The following PHYHIP variants were observed in gnomAD, a reference collection of about 807,000 sequenced individuals.
The protein encoded by PHYHIP is phytanoyl-CoA hydroxylase-interacting protein.
PHYHIP carries 7 observed loss-of-function variants against 26.1 expected under a neutral mutation model. That is an observed-to-expected ratio of 0.27 (90% CI 0.15 to 0.50). The LOEUF (loss-of-function observed/expected upper bound fraction) is 0.50. Ranked by LOEUF, PHYHIP falls within the 20% of genes least tolerant of loss-of-function variation. The pLI is 0.98. For missense variants in PHYHIP, 232 were observed against 454.7 expected, an observed-to-expected ratio of 0.51 and a Z score of 4.45; for synonymous variants, 206 against 183.4, an observed-to-expected ratio of 1.12 and a Z score of -1.00.
Position 22,227,015 on chromosome 8 carries a change from G to A in PHYHIP, c.176C>T (p.Thr59Ile), listed in dbSNP as rs1829761381. 6.2e-7 allele frequency: 1 copy of A among 1,611,512 alleles called. No homozygotes were observed. Among genetic ancestry groups the A allele is most frequent in the Non-Finnish European group, 8.5e-7 (1 of 1,179,256 alleles). Residue 59 changes from threonine (T) to isoleucine (I), a missense_variant, in exon 3 of 5, where the codon ACC becomes ATC. Coordinates refer to ENST00000454243, the MANE Select transcript of PHYHIP (RefSeq NM_014759.5). ...CGGCACTGCCTTGGCCACGAGCTTG[G>A]TGGGGACGTCCTGAGAAACAGGGTA... The part of the protein sequence containing the change: ...SNKFKHRDVP[T>I]KLVAKAVPLP...
In PHYHIP at chr8:22,226,942, C is replaced by G. The variant is rs373018765; in HGVS notation, c.249G>C (p.Glu83Asp). Residue 83 changes from glutamate to aspartate, a missense_variant, in exon 3 of 5, where the codon GAG becomes GAC. Physicochemically the swap from Glu to Asp is conservative, Grantham distance 45. Transcript: ENST00000454243. The part of the protein sequence containing the change: ...RGHWFLSPRT[E>D]YSVAVQTAVK... ...CTGCCGTCTGCACGGCCACACTGTA[C>G]TCCGTGCGGGGGCTCAGGAACCAGT... 6.2e-7 allele frequency: 1 copy of G among 1,613,912 alleles called. No individual in the cohort carries two copies. Among genetic ancestry groups the G allele is most frequent in the Non-Finnish European group, 8.5e-7 (1 of 1,179,942 alleles).
intron 1 of PHYHIP, among the ~76,000 whole-genome samples, chr8:22,230,147 T>C (rs1829837025): frequency 6.6e-6 from 1 of 152,024 alleles, no homozygotes; most frequent in African/African-American, 2.4e-5. Context: ...AGTGGGGAGT[T>C]ACCATCTCTT....
Position 22,228,179 on chromosome 8 carries a change from C to T in PHYHIP, c.165+14G>A. 6.2e-7 allele frequency: 1 copy of T among 1,612,128 alleles called. No individual in the cohort carries two copies. Among genetic ancestry groups the T allele is most frequent in the East Asian group, 2.2e-5 (1 of 44,862 alleles). ...AGAAGCTGGGGAGGGGCTCCCAGGA[C>T]ACCTTCTACTCACCCGGTGCTTGAA... On this transcript the variant is annotated intron_variant, in intron 2 of 4. Transcript: ENST00000454243.
At chr8:22,223,848 A>G (rs998751356) in intron 4 of PHYHIP, 12 of 180,852 alleles carry the variant, frequency 6.6e-5, no homozygotes, top group Non-Finnish European at 1.1e-4. Flanking sequence ...ACCCTTTGTG[A>G]TCAGAACACT....
At chr8:22,228,566 G>C (rs10091029) in intron 1 of PHYHIP, 180 bp from the exon 2 acceptor site, 15 of 518,884 alleles carry the variant, frequency 2.9e-5, no homozygotes, top group Non-Finnish European at 4.5e-5. Flanking sequence ...GGGTGGAAAG[G>C]GGTGCCTGCC....
intron 3 of PHYHIP, among the ~76,000 whole-genome samples, chr8:22,225,980 C>T (rs765654594): frequency 4.6e-5 from 7 of 152,150 alleles, no homozygotes; most frequent in Admixed American, 3.9e-4. Flanking sequence ...AGATCTGGAG[C>T]AGCTCTCACC....
At chr8:22,231,657 CG>C (rs10537398) in intron 1 of PHYHIP, 138 bp downstream of exon 1, 56,086 of 150,168 alleles carry the variant, frequency 0.37, 10,847 homozygotes, top group African/African-American at 0.45. Flanking sequence ...AAGGCCTGGC[CG>C]GGGGGGGGGA....
At position 22,221,866 on chromosome 8, in the gene PHYHIP, C is replaced by T; in HGVS notation, c.480G>A (p.Leu160=). ...CACTGTTGTCCTTCAGGTAAGGCTG[C>T]AGCATGTTCCCGCAGTGGGTCCTGC... ...QHARTHCGNM[L]QPYLKDNSGS... The change falls in exon 5 of 5, where the codon CTG becomes CTA. Residue 160 remains leucine, a synonymous_variant. Transcript: ENST00000454243. This position sits in a 1 kb window ranked among gnomAD's most constrained non-coding sequence, Gnocchi z 7.9. The T allele has an allele frequency of 6.5e-7, 1 of 1,539,970 alleles. No homozygotes were observed. Among genetic ancestry groups the T allele is most frequent in the Non-Finnish European group, 8.8e-7 (1 of 1,140,476 alleles).
intron 4 of PHYHIP, chr8:22,223,854 ACAC>A: frequency 1.6e-5 from 3 of 188,166 alleles, no homozygotes; most frequent in South Asian, 2.4e-4. Flanking sequence ...TGTGATCAGA[ACAC>A]TCATTTTGTG....
chr8:22,227,766 G>A (rs1482048325), intron 2 of PHYHIP: 9 of 457,128 alleles, frequency 2.0e-5, no homozygotes, highest in Admixed American at 7.1e-5. Flanking sequence ...ACCGAGGCCC[G>A]TGTGGCCCAC....
At chr8:22,231,486 C>T (rs930839186) in intron 1 of PHYHIP, among the ~76,000 whole-genome samples, 4 of 152,256 alleles carry the variant, frequency 2.6e-5, no homozygotes, top group African/African-American at 4.8e-5. Context: ...CCGCGCACAC[C>T]GGTGCCCCTT....
In PHYHIP at chr8:22,221,940, C is replaced by G. The variant is rs1586486820; in HGVS notation, c.459-53G>C. Reference sequence around the variant, plus strand: ...GGGAAGAGAAGATGTGGCTGGTGAGCCGGGCTGAGGCTTGGCTGCTGCGTG... The same window carrying G: ...GGGAAGAGAAGATGTGGCTGGTGAGGCGGGCTGAGGCTTGGCTGCTGCGTG... On this transcript the variant is annotated intron_variant, in intron 4 of 4. Coordinates refer to ENST00000454243, the MANE Select transcript of PHYHIP (RefSeq NM_014759.5). The surrounding 1 kb of genome is among the most constrained non-coding windows in gnomAD (Gnocchi z 7.9). The G allele has an allele frequency of 7.0e-7, 1 of 1,430,646 alleles. No individual in the cohort carries two copies. Among genetic ancestry groups the G allele is most frequent in the Non-Finnish European group, 9.3e-7 (1 of 1,080,164 alleles). 88.6% of individuals were successfully genotyped at this position (1,430,646 alleles called of 1,614,324 possible). A position where few individuals can be genotyped will look rare whatever the true frequency, so the allele number is the denominator to read the frequency against.
Position 22,225,607 on chromosome 8 carries a change from C to T in PHYHIP, c.340+1244G>A, listed in dbSNP as rs1275997527. On this transcript the variant is annotated intron_variant, in intron 3 of 4. Transcript: ENST00000454243. ...GTCAGGAGTTCAAGATCAGCCTGGC[C>T]AACATGGTGAAACCCCATCTCTACT... Among the ~76,000 whole-genome samples, 3 of 131,000 alleles carry T rather than the reference C, an allele frequency of 2.3e-5. No homozygotes were observed. In the East Asian group the frequency reaches 6.7e-4, roughly 29 times the overall value. The allele number at this position is 131,000 out of a possible 152,430, so 85.9% of individuals were successfully genotyped here.
Position 22,224,318 on chromosome 8 carries a change from C to G in PHYHIP, c.366G>C (p.Gln122His). The G allele has an allele frequency of 6.2e-7, 1 of 1,610,382 alleles. No individual in the cohort carries two copies. ...TGDYAKEHLAQLQEKAEQIAG... is the reference protein window; with the variant it reads ...TGDYAKEHLAHLQEKAEQIAG... Reference sequence around the variant, plus strand: ...CGATCTGCTCAGCTTTCTCCTGAAGCTGAGCCAGGTGCTCCTTGGCATAAT... The same window carrying G: ...CGATCTGCTCAGCTTTCTCCTGAAGGTGAGCCAGGTGCTCCTTGGCATAAT... The change falls in exon 4 of 5, where the codon CAG (glutamine) becomes CAC (histidine). Residue 122 changes from glutamine (Q) to histidine (H), a missense_variant. Transcript: ENST00000454243.
At position 22,220,800 on chromosome 8, in the gene PHYHIP, C is replaced by A; in HGVS notation, c.*553G>T. 1 of 152,962 alleles carries A rather than the reference C, an allele frequency of 6.5e-6. No homozygotes were observed. The allele number at this position is 152,962 out of a possible 1,614,324, so 9.5% of individuals were successfully genotyped here. ...TTGGGGCAAGGAGCAGCCAGGGAGT[C>A]ACGGTGGTGCAGGAGACTATTTATA... On this transcript the variant is annotated 3_prime_UTR_variant, in exon 5 of 5. Transcript: ENST00000454243.
chr8:22,225,778 C>A (rs1829732042), intron 3 of PHYHIP, among the ~76,000 whole-genome samples: 1 of 144,594 alleles, frequency 6.9e-6, no homozygotes, highest in African/African-American at 2.6e-5. Context: ...GCACTCCAGC[C>A]AGGAGGCGAC....
At chr8:22,225,729 C>T (rs1367237715) in intron 3 of PHYHIP, among the ~76,000 whole-genome samples, 4 of 149,236 alleles carry the variant, frequency 2.7e-5, no homozygotes, top group East Asian at 4.0e-4. Flanking sequence ...CGCTTGAACC[C>T]GGGAGGCGGA....
chr8:22,225,988 A>G (rs1829736750), intron 3 of PHYHIP, among the ~76,000 whole-genome samples: 1 of 152,188 alleles, frequency 6.6e-6, no homozygotes, highest in African/African-American at 2.4e-5. Flanking sequence ...AGCAGCTCTC[A>G]CCGTGAACAC....
chr8:22,221,774 T>C lies in PHYHIP; in HGVS notation c.572A>G (p.Asn191Ser). 6.2e-7 allele frequency: 1 copy of C among 1,612,472 alleles called. No homozygotes were observed. Among genetic ancestry groups the C allele is most frequent in the Non-Finnish European group, 8.5e-7 (1 of 1,179,480 alleles). The change falls in exon 5 of 5, where the codon AAC becomes AGC. Residue 191 changes from asparagine (N) to serine (S), a missense_variant. By Grantham distance (46) the Asn-to-Ser change is conservative. Transcript: ENST00000454243. The surrounding 1 kb of genome is among the most constrained non-coding windows in gnomAD (Gnocchi z 7.9). ...GGAGTCCTGCGGGGGCTGGCCCGTG[T>C]TGAACTCCGTGTTGCAGCTGAAGAA... ...GVFFSCNTEF[N>S]TGQPPQDSPY...
Sources: gnomAD v4.1 joint callset for allele counts (sites outside exome capture counted in the v4.1 genomes callset) on GRCh38, gnomAD v4.1.1 for gene constraint, Gnocchi (gnomAD v3.1) non-coding constraint, MANE v1.5 for transcripts, NCBI Gene and HGNC (gene_info 2026-07-23, HGNC 2026-07-21) for gene names.